Variants in SLC16A7 observed in about 807,000 individuals in gnomAD.
SLC16A7 encodes the protein monocarboxylate transporter 2.
A neutral mutation model predicts 34.9 loss-of-function variants in SLC16A7; 33 were observed. The observed-to-expected ratio is 0.94, with a 90% CI of 0.72 to 1.26. The LOEUF (loss-of-function observed/expected upper bound fraction) is 1.26. Among genes scored for constraint, SLC16A7 ranks in the 50% most tolerant of loss-of-function variants. The probability of loss-of-function intolerance (pLI) is 0.00; values close to 1 mark genes in which losing one functional copy is unlikely to be tolerated. For synonymous variants in SLC16A7, 201 were observed against 206.6 expected, an observed-to-expected ratio of 0.97 and a Z score of 0.23; for missense variants, 573 against 578.1, an observed-to-expected ratio of 0.99 and a Z score of 0.09.
chr12:59,761,212 A>G (rs1252621804), intron 3 of SLC16A7: 1 of 1,148,104 alleles, frequency 8.7e-7, no homozygotes, highest in Admixed American at 2.3e-5. Flanking sequence ...GGTACATGAA[A>G]CTGTATTGTT....
chr12:59,652,021 A>T (rs1449090951), intron 1 of SLC16A7, among the ~76,000 whole-genome samples: 2 of 152,082 alleles, frequency 1.3e-5, no homozygotes, highest in Non-Finnish European at 2.9e-5. Context: ...ACATGATTGG[A>T]TGGTGCTGTT....
intron 3 of SLC16A7, among the ~76,000 whole-genome samples, chr12:59,751,432 C>T (rs549336752): frequency 1.4e-4 from 21 of 152,360 alleles, no homozygotes; most frequent in African/African-American, 4.6e-4. Context: ...GCTTAAAAAA[C>T]GGTGCACCAG....
intron 1 of SLC16A7, among the ~76,000 whole-genome samples, chr12:59,636,384 A>AT (rs1285637947): frequency 1.3e-5 from 2 of 152,010 alleles, no homozygotes; most frequent in African/African-American, 4.8e-5. Context: ...GCCTTTTCTG[A>AT]TTAAGTTATT....
chr12:59,654,218 A>G (rs889310301), intron 1 of SLC16A7, among the ~76,000 whole-genome samples: 6 of 151,288 alleles, frequency 4.0e-5, no homozygotes, highest in African/African-American at 1.5e-4. Context: ...CTTTAAATAG[A>G]ACCTTGGAGC....
At chr12:59,768,232 G>A (rs1460683068) in intron 3 of SLC16A7, 2 of 454,868 alleles carry the variant, frequency 4.4e-6, no homozygotes, top group Non-Finnish European at 8.8e-6. Context: ...ACTGTTATGG[G>A]AGGAGGTCAA....
chr12:59,705,041 A>G, intron 3 of SLC16A7, 23 bp downstream of exon 3: 1 of 1,479,780 alleles, frequency 6.8e-7, no homozygotes, highest in Non-Finnish European at 9.4e-7. Context: ...CAATAAATAG[A>G]ATCCTGAATT....
intron 1 of SLC16A7, among the ~76,000 whole-genome samples, chr12:59,637,459 T>C (rs1880480954): frequency 1.3e-5 from 2 of 152,052 alleles, no homozygotes; most frequent in South Asian, 4.1e-4. Flanking sequence ...GTTTTTTTTT[T>C]TCTCTTCTTT....
chr12:59,762,822 CA>C (rs35275657), intron 3 of SLC16A7, among the ~76,000 whole-genome samples: 106 of 128,438 alleles, frequency 8.3e-4, no homozygotes, highest in South Asian at 1.5e-3. Flanking sequence ...ACATCTTTCT[CA>C]AAAAAAAAAA....
chr12:59,721,247 T>C (rs1314320911), intron 3 of SLC16A7, among the ~76,000 whole-genome samples: 1 of 151,990 alleles, frequency 6.6e-6, no homozygotes, highest in Non-Finnish European at 1.5e-5. Context: ...AATTCCTACT[T>C]CATTCAGAAA....
intron 3 of SLC16A7, among the ~76,000 whole-genome samples, chr12:59,764,460 C>G (rs1881356777): frequency 6.6e-6 from 1 of 151,412 alleles, no homozygotes; most frequent in Non-Finnish European, 1.5e-5. Flanking sequence ...TTAGGTATAT[C>G]TCCTAATGCT....
chr12:59,750,453 G>A (rs888274019), intron 3 of SLC16A7, among the ~76,000 whole-genome samples: 2 of 152,002 alleles, frequency 1.3e-5, no homozygotes, highest in African/African-American at 2.4e-5. Flanking sequence ...CAAGAAACAT[G>A]AAAAAAAGCT....
intron 1 of SLC16A7, among the ~76,000 whole-genome samples, chr12:59,650,044 A>C (rs774750659): frequency 6.6e-6 from 1 of 152,104 alleles, no homozygotes; most frequent in Non-Finnish European, 1.5e-5. Flanking sequence ...GCATTGTATT[A>C]ATTTAATATT....
At chr12:59,776,734 G>A (rs540027964) in intron 5 of SLC16A7, among the ~76,000 whole-genome samples, 1 of 152,030 alleles carries the variant, frequency 6.6e-6, no homozygotes, top group East Asian at 1.9e-4. Flanking sequence ...CTAAGACCTA[G>A]GTGGTGTGGT....
In SLC16A7 at chr12:59,637,843, A is replaced by T. The variant is rs141439438; in HGVS notation, c.-129-17309A>T. On this transcript the variant is annotated intron_variant, in intron 1 of 5. Coordinates refer to ENST00000547379, the MANE Select transcript of SLC16A7 (RefSeq NM_001270623.2). ...ATTAATGCCTTTATCATGTGAGTTG[A>T]TAAGTTCCTGTGAAAGTTGGCTTGC... is the stretch of plus-strand genomic sequence containing the variant. Among the ~76,000 whole-genome samples the T allele has an allele frequency of 1.6e-3, 250 of 152,190 alleles. 2 individuals carry two copies. Among genetic ancestry groups the T allele is most frequent in the South Asian group, 9.8e-3 (47 of 4,814 alleles).
intron 2 of SLC16A7, among the ~76,000 whole-genome samples, chr12:59,686,631 T>C (rs1871184664): frequency 6.6e-6 from 1 of 151,630 alleles, no homozygotes. Flanking sequence ...TTAATACAAA[T>C]AATAGTACCA....
At chr12:59,670,821 C>T (rs1286355239) in intron 2 of SLC16A7, among the ~76,000 whole-genome samples, 1 of 152,166 alleles carries the variant, frequency 6.6e-6, no homozygotes, top group African/African-American at 2.4e-5. Flanking sequence ...CTGGGCTCAT[C>T]GTGGTGGTCC....
At chr12:59,766,491 T>G (rs1881647693) in intron 3 of SLC16A7, among the ~76,000 whole-genome samples, 1 of 152,168 alleles carries the variant, frequency 6.6e-6, no homozygotes, top group Non-Finnish European at 1.5e-5. Context: ...TCTTATTATT[T>G]TGAGATATGT....
At chr12:59,721,504 A>T (rs1298149977) in intron 3 of SLC16A7, among the ~76,000 whole-genome samples, 1 of 151,952 alleles carries the variant, frequency 6.6e-6, no homozygotes, top group South Asian at 2.1e-4. Context: ...TATAACCATG[A>T]TATTCTAACC....
intron 1 of SLC16A7, among the ~76,000 whole-genome samples, chr12:59,613,871 A>G (rs1207616419): frequency 6.6e-6 from 1 of 152,194 alleles, no homozygotes; most frequent in Non-Finnish European, 1.5e-5. Context: ...GTATTTCTGT[A>G]TGAATATGGT....
Sources: gnomAD v4.1 joint callset for allele counts (sites outside exome capture counted in the v4.1 genomes callset) on GRCh38, gnomAD v4.1.1 for gene constraint, MANE v1.5 for transcripts, NCBI Gene and HGNC (gene_info 2026-07-23, HGNC 2026-07-21) for gene names.